CHI3L2: variants seen among roughly 807,000 people sequenced by gnomAD.
CHI3L2 encodes chitinase 3 like 2, also known as chitinase-3-like protein 2.
CHI3L2 carries 47 observed loss-of-function variants against 47.3 expected under a neutral mutation model. The ratio of observed to expected loss-of-function variants is 0.99; its 90% CI spans 0.79 to 1.27. CHI3L2 has a LOEUF of 1.27. Among genes scored for constraint, CHI3L2 ranks in the 50% most tolerant of loss-of-function variants. CHI3L2 has a pLI of 0.00. For missense variants in CHI3L2, 497 were observed against 462.1 expected (o/e 1.08, Z -0.69); for synonymous variants, 198 against 169.9 (o/e 1.17, Z -1.28).
At chr1:111,235,810 C>G (rs369178279) in intron 6 of CHI3L2, 47 bp downstream of exon 6, 77 of 1,604,598 alleles carry the variant, frequency 4.8e-5, no homozygotes, top group Admixed American at 1.0e-4. Context: ...CCAATTTGGT[C>G]CATGCAAATG....
At chr1:111,235,604 G>A (rs749860901) in intron 5 of CHI3L2, 35 bp from the exon 6 acceptor site, 19 of 1,604,592 alleles carry the variant, frequency 1.2e-5, no homozygotes, top group South Asian at 9.0e-5. Flanking sequence ...CTCTGGGAAG[G>A]GGAATATTGC....
chr1:111,234,188 TA>T lies in CHI3L2; in HGVS notation c.330-703del, dbSNP rs553835455. Among the ~76,000 whole-genome samples the T allele has an allele frequency of 6.6e-3, 514 of 77,834 alleles. 1 individual carries two copies. Among genetic ancestry groups the T allele is most frequent in the African/African-American group, 0.014 (272 of 18,830 alleles). 51.1% of individuals were successfully genotyped at this position (77,834 alleles called of 152,430 possible). A position where few individuals can be genotyped will look rare whatever the true frequency, so the allele number is the denominator to read the frequency against. On this transcript the variant is annotated intron_variant, in intron 4 of 10. Transcript: ENST00000369748. Reference sequence around the variant, plus strand: ...GCGAGAAACACCCAAGAATGATCAATAAAAAAAAAAAAAAAAGAAAGAAAAC... The same window carrying T: ...GCGAGAAACACCCAAGAATGATCAATAAAAAAAAAAAAAAAGAAAGAAAAC...
At chr1:111,237,656 G>T (rs1659923655) in intron 7 of CHI3L2, among the ~76,000 whole-genome samples, 1 of 152,024 alleles carries the variant, frequency 6.6e-6, no homozygotes, top group Non-Finnish European at 1.5e-5. Context: ...CCTTTATTTT[G>T]TTCTGAGAGC....
intron 1 of CHI3L2, 166 bp from the exon 2 acceptor site, chr1:111,229,686 A>C (rs1659647770): frequency 1.4e-6 from 1 of 698,498 alleles, no homozygotes; most frequent in Non-Finnish European, 1.8e-6. Context: ...CGTCTCAAAA[A>C]AAAAAAAAAA....
rs753443223 is a variant in CHI3L2 at position 111,235,067 on chromosome 1, G to GA, written c.480+12dup. ...CACTGTGCTGATTCATGTAAGTCATGAATCAAGTAATTCATGTGAGTCAGA... is the reference window on the plus strand; with the variant it reads ...CACTGTGCTGATTCATGTAAGTCATGAAATCAAGTAATTCATGTGAGTCAGA... On this transcript the variant is annotated intron_variant, in intron 5 of 10. Coordinates refer to ENST00000369748, the MANE Select transcript of CHI3L2 (RefSeq NM_004000.3). The GA allele has an allele frequency of 1.9e-6, 3 of 1,612,974 alleles. No homozygotes were observed. The highest frequency in any genetic ancestry group is 1.7e-6 in the Non-Finnish European group (2 of 1,179,850).
chr1:111,230,665 T>C (rs1659687996), intron 2 of CHI3L2, 77 bp from the exon 3 acceptor site: 1 of 1,225,506 alleles, frequency 8.2e-7, no homozygotes, highest in Non-Finnish European at 1.2e-6. Flanking sequence ...ATGGCTGTCT[T>C]GGGGAGAAAA....
chr1:111,235,628 G>A lies in CHI3L2; in HGVS notation c.481-11G>A. The A allele has an allele frequency of 6.2e-7, 1 of 1,611,964 alleles. No individual in the cohort carries two copies. Among genetic ancestry groups the A allele is most frequent in the South Asian group, 1.1e-5 (1 of 90,708 alleles). On this transcript the variant is annotated splice_polypyrimidine_tract_variant and intron_variant, in intron 5 of 10. Transcript: ENST00000369748. Reference sequence around the variant, plus strand: ...GGGGAATATTGCACCTCGTTTCTTTGTTTTTCCTAGGAGTTAGCAGAAGCC... The same window carrying A: ...GGGGAATATTGCACCTCGTTTCTTTATTTTTCCTAGGAGTTAGCAGAAGCC...
At chr1:111,239,064 G>A (rs1023376293) in intron 8 of CHI3L2, 132 bp downstream of exon 8, 9 of 844,332 alleles carry the variant, frequency 1.1e-5, no homozygotes, top group African/African-American at 3.5e-5. Context: ...GAACATGTGA[G>A]GGGATCTCCT....
intron 1 of CHI3L2, among the ~76,000 whole-genome samples, chr1:111,228,305 T>C (rs1659587727): frequency 6.6e-6 from 1 of 151,972 alleles, no homozygotes; most frequent in South Asian, 2.1e-4. Context: ...AGGCTATGAG[T>C]GAACGGGGGA....
At chr1:111,238,687 T>TA in intron 7 of CHI3L2, 63 bp from the exon 8 acceptor site, 2 of 1,559,140 alleles carry the variant, frequency 1.3e-6, no homozygotes, top group South Asian at 2.2e-5. Flanking sequence ...GGATAGAGGC[T>TA]AAAAAAGGTC....
chr1:111,235,174 C>T lies in CHI3L2; in HGVS notation c.480+117C>T, dbSNP rs1000119976. On this transcript the variant is annotated intron_variant, in intron 5 of 10. Coordinates refer to ENST00000369748, the MANE Select transcript of CHI3L2 (RefSeq NM_004000.3). ...AAAAGGAGGAGATTGAGTCTAACAG[C>T]CCCAGCCTTTCTGAAGCTCCCACTA... 1.9e-5 allele frequency: 20 copies of T among 1,054,770 alleles called. No homozygotes were observed. In the African/African-American group the frequency reaches 2.9e-4, roughly 15 times the overall value. The allele number at this position is 1,054,770 out of a possible 1,614,324, so 65.3% of individuals were successfully genotyped here.
chr1:111,235,812 A>G (rs1449502857), intron 6 of CHI3L2, 49 bp downstream of exon 6: 8 of 1,601,268 alleles, frequency 5.0e-6, no homozygotes, highest in African/African-American at 2.7e-5. Context: ...AATTTGGTCC[A>G]TGCAAATGAT....
At position 111,234,996 on chromosome 1, in the gene CHI3L2, T is replaced by C. The variant is rs1332409085; in HGVS notation, c.419T>C (p.Leu140Pro). The change falls in exon 5 of 11, where the codon CTG (leucine) becomes CCG (proline). Residue 140 changes from leucine (L) to proline (P), a missense_variant. Coordinates refer to ENST00000369748, the MANE Select transcript of CHI3L2 (RefSeq NM_004000.3). Reference sequence around the variant, plus strand: ...CTGAGGAACCATAACTTTGATGGACTGGATGTAAGCTGGATCTACCCAGAT... The same window carrying C: ...CTGAGGAACCATAACTTTGATGGACCGGATGTAAGCTGGATCTACCCAGAT... ...LFLRNHNFDG[L>P]DVSWIYPDQK... is the part of the protein sequence containing the mutation. The C allele has an allele frequency of 6.2e-7, 1 of 1,614,164 alleles. No homozygotes were observed. Among genetic ancestry groups the C allele is most frequent in the South Asian group, 1.1e-5 (1 of 91,088 alleles).
rs781069647 is a variant in CHI3L2 at position 111,231,228 on chromosome 1, T to C, written c.273-10T>C. ...AGAAAATAAATAATCATCTTATTCT[T>C]CTACTTCAGGAATCCCAAACTGAAA... On this transcript the variant is annotated splice_polypyrimidine_tract_variant and intron_variant, in intron 3 of 10. Transcript: ENST00000369748. The C allele has an allele frequency of 6.2e-6, 10 of 1,603,526 alleles. No homozygotes were observed. In the South Asian group the frequency reaches 8.8e-5, roughly 14 times the overall value.
chr1:111,230,974 A>G (rs1487234413), intron 3 of CHI3L2, 31 bp downstream of exon 3: 3 of 1,582,240 alleles, frequency 1.9e-6, no homozygotes, highest in South Asian at 1.1e-5. Context: ...AGCATCCTGC[A>G]TGGATTTTAG....
intron 4 of CHI3L2, among the ~76,000 whole-genome samples, chr1:111,234,044 A>G (rs1340129184): frequency 2.0e-5 from 3 of 150,538 alleles, no homozygotes; most frequent in African/African-American, 7.3e-5. Flanking sequence ...ACCCAGGGAC[A>G]CAAACACTGC....
chr1:111,236,529 C>T (rs561976533), intron 7 of CHI3L2, among the ~76,000 whole-genome samples: 2 of 152,248 alleles, frequency 1.3e-5, no homozygotes, highest in East Asian at 3.9e-4. Flanking sequence ...TAAAAAAACC[C>T]CATGAGGTCA....
intron 8 of CHI3L2, among the ~76,000 whole-genome samples, chr1:111,240,934 A>T (rs543948466): frequency 2.8e-4 from 42 of 152,314 alleles, no homozygotes; most frequent in African/African-American, 8.2e-4. Flanking sequence ...TTTCAAAAAA[A>T]TTTTTTAATG....
chr1:111,238,953 C>A (rs748952406), intron 8 of CHI3L2, 21 bp downstream of exon 8: 3 of 1,552,912 alleles, frequency 1.9e-6, no homozygotes, highest in Non-Finnish European at 2.6e-6. Flanking sequence ...ACCCCCTGTA[C>A]CCTCAGCTCC....
Sources: allele counts gnomAD v4.1 joint callset (sites outside exome capture counted in the v4.1 genomes callset), GRCh38; gene constraint gnomAD v4.1.1; transcripts MANE v1.5; gene names NCBI Gene and HGNC (gene_info 2026-07-23, HGNC 2026-07-21).